OSBPL6: variants seen among roughly 807,000 people sequenced by gnomAD.
OSBPL6 encodes the protein oxysterol-binding protein-related protein 6.
A neutral mutation model predicts 125.8 loss-of-function variants in OSBPL6; 49 were observed. The observed-to-expected ratio is 0.39, with a 90% CI of 0.31 to 0.49. OSBPL6 has a LOEUF of 0.49. Among genes scored for constraint, OSBPL6 ranks in the 20% least tolerant of loss-of-function variants. The pLI is 0.88. For missense variants in OSBPL6, 986 were observed against 1,135.4 expected (o/e 0.87, Z 1.89); for synonymous variants, 394 against 391.8 (o/e 1.01, Z -0.07).
In OSBPL6 at chr2:178,394,519, A is replaced by G. The variant is rs1185917525; in HGVS notation, c.2696+84A>G. The G allele has an allele frequency of 2.1e-6, 3 of 1,433,492 alleles. No homozygotes were observed. The East Asian group carries it at 7.1e-5, about 34-fold the overall frequency. 88.8% of individuals were successfully genotyped at this position (1,433,492 alleles called of 1,614,324 possible). On this transcript the variant is annotated intron_variant, in intron 24 of 24. Coordinates refer to ENST00000190611, the MANE Select transcript of OSBPL6 (RefSeq NM_032523.4). ...GAGAAACTCCAGTTAAATGAAAATA[A>G]AATGGGTAAATGGATTTTGGTATCT...
At chr2:178,330,518 G>A (rs1315927142) in intron 5 of OSBPL6, among the ~76,000 whole-genome samples, 1 of 152,072 alleles carries the variant, frequency 6.6e-6, no homozygotes, top group Non-Finnish European at 1.5e-5. Context: ...TTTTTCCAGT[G>A]TTTACTTGTT....
intron 1 of OSBPL6, among the ~76,000 whole-genome samples, chr2:178,210,371 CT>C (rs2089789768): frequency 6.9e-6 from 1 of 144,724 alleles, no homozygotes; most frequent in African/African-American, 2.5e-5. Context: ...TCAAACTGAC[CT>C]TCCCCTGCAA....
At chr2:178,290,680 T>G (rs1478607207) in intron 2 of OSBPL6, among the ~76,000 whole-genome samples, 4 of 152,186 alleles carry the variant, frequency 2.6e-5, no homozygotes. Flanking sequence ...AAATTCTTTT[T>G]GTGCATTCCA....
intron 3 of OSBPL6, among the ~76,000 whole-genome samples, chr2:178,308,134 C>A (rs62176071): frequency 0.18 from 26,809 of 152,126 alleles, 2,557 homozygotes; most frequent in Admixed American, 0.24. Context: ...CAGGTGGAAA[C>A]GCTCCCAAAA....
intron 15 of OSBPL6, among the ~76,000 whole-genome samples, chr2:178,375,751 T>C (rs1693819937): frequency 6.6e-6 from 1 of 152,188 alleles, no homozygotes; most frequent in Non-Finnish European, 1.5e-5. Flanking sequence ...CAGGTTACAG[T>C]CAGACTTGAC....
intron 2 of OSBPL6, among the ~76,000 whole-genome samples, chr2:178,302,678 A>G (rs1686405598): frequency 6.6e-6 from 1 of 152,190 alleles, no homozygotes; most frequent in South Asian, 2.1e-4. Context: ...CTTTTTCTTC[A>G]TTTTGCTATT....
At chr2:178,236,845 C>G (rs984904319) in intron 1 of OSBPL6, among the ~76,000 whole-genome samples, 38 of 152,166 alleles carry the variant, frequency 2.5e-4, no homozygotes, top group African/African-American at 9.2e-4. Context: ...ATCACTCTTT[C>G]TCTTTTTCAC....
chr2:178,320,636 A>G (rs536000805), intron 3 of OSBPL6, among the ~76,000 whole-genome samples: 11 of 152,378 alleles, frequency 7.2e-5, no homozygotes, highest in African/African-American at 2.4e-4. Flanking sequence ...GAAGAAAAGT[A>G]CAAAAATTAT....
At position 178,361,487 on chromosome 2, in the gene OSBPL6, A is replaced by G. The variant is rs191096096; in HGVS notation, c.1154-195A>G. On this transcript the variant is annotated intron_variant, in intron 12 of 24. Transcript: ENST00000190611. ...AAAAACAAATTTTTCACTCTGATCA[A>G]TTGCCATTGTAATATTTGTGTGGAG... is the stretch of plus-strand genomic sequence containing the variant. 7.9e-5 allele frequency among the ~76,000 whole-genome samples: 12 copies of G among 152,300 alleles called. 1 individual carries two copies. The South Asian group carries it at 1.9e-3, about 24-fold the overall frequency.
intron 1 of OSBPL6, among the ~76,000 whole-genome samples, chr2:178,263,743 T>C (rs1259764475): frequency 6.6e-6 from 1 of 151,896 alleles, no homozygotes; most frequent in Non-Finnish European, 1.5e-5. Context: ...AGGCTCCTGC[T>C]TGCAAAACGT....
intron 3 of OSBPL6, among the ~76,000 whole-genome samples, 193 bp from the exon 4 acceptor site, chr2:178,323,984 T>G (rs894497536): frequency 6.6e-6 from 1 of 152,152 alleles, no homozygotes; most frequent in Non-Finnish European, 1.5e-5. Context: ...CAGCAGCAAA[T>G]CTAGAAGAGG....
intron 3 of OSBPL6, among the ~76,000 whole-genome samples, chr2:178,318,420 CCTA>C (rs368037964): frequency 1.2e-4 from 18 of 152,280 alleles, no homozygotes; most frequent in Non-Finnish European, 2.5e-4. Flanking sequence ...TATATAGAGA[CCTA>C]CTGTTAATGC....
intron 1 of OSBPL6, among the ~76,000 whole-genome samples, chr2:178,235,923 T>A (rs1257427932): frequency 6.6e-6 from 1 of 152,232 alleles, no homozygotes; most frequent in Admixed American, 6.5e-5. Context: ...AATCAGAATA[T>A]GAAAATGTCA....
chr2:178,217,682 G>A (rs1388815427), intron 1 of OSBPL6, among the ~76,000 whole-genome samples: 1 of 152,166 alleles, frequency 6.6e-6, no homozygotes, highest in Non-Finnish European at 1.5e-5. Context: ...CATTTACATA[G>A]TGCATAGGGA....
At chr2:178,219,203 T>A (rs1031895251) in intron 1 of OSBPL6, among the ~76,000 whole-genome samples, 1 of 152,234 alleles carries the variant, frequency 6.6e-6, no homozygotes, top group Non-Finnish European at 1.5e-5. Context: ...TACCATTTAA[T>A]GAATGCTTAC....
chr2:178,217,730 G>A (rs987169356), intron 1 of OSBPL6, among the ~76,000 whole-genome samples: 2 of 152,166 alleles, frequency 1.3e-5, no homozygotes, highest in Admixed American at 6.5e-5. Context: ...TATGCAAATA[G>A]CCTTTCCAGT....
intron 1 of OSBPL6, among the ~76,000 whole-genome samples, chr2:178,206,472 C>T (rs2089533303): frequency 6.6e-6 from 1 of 152,148 alleles, no homozygotes; most frequent in African/African-American, 2.4e-5. Flanking sequence ...ATATCATTAT[C>T]CAGCCTTTGG....
intron 1 of OSBPL6, among the ~76,000 whole-genome samples, chr2:178,201,101 G>A (rs334106): frequency 0.97 from 147,395 of 152,312 alleles, 71,470 homozygotes; most frequent in East Asian, 1. Context: ...GCCCAAATAA[G>A]TATTTTCTAA....
chr2:178,297,227 A>G (rs929154167), intron 2 of OSBPL6, among the ~76,000 whole-genome samples: 4 of 152,042 alleles, frequency 2.6e-5, no homozygotes, highest in Non-Finnish European at 5.9e-5. Flanking sequence ...TCTCCAGCTC[A>G]CTATTGAACA....
Sources: gnomAD v4.1 joint callset for allele counts (sites outside exome capture counted in the v4.1 genomes callset) on GRCh38, gnomAD v4.1.1 for gene constraint, MANE v1.5 for transcripts, NCBI Gene and HGNC (gene_info 2026-07-23, HGNC 2026-07-21) for gene names.